The following STXBP4 variants were observed in gnomAD, a reference collection of about 807,000 sequenced individuals.
The protein encoded by STXBP4 is syntaxin binding protein 4.
In STXBP4, 55 loss-of-function variants were observed where a neutral mutation model predicts 76.1. That is an observed-to-expected ratio of 0.72 (90% CI 0.58 to 0.91). The LOEUF (loss-of-function observed/expected upper bound fraction) is 0.91. STXBP4 is among the 40% of genes least tolerant of loss of function. STXBP4 has a pLI of 0.00. For synonymous variants in STXBP4, 201 were observed against 220.2 expected (o/e 0.91, Z 0.77); for missense variants, 618 against 636.9 (o/e 0.97, Z 0.32).
In STXBP4 at chr17:55,076,850, C is replaced by T. The variant is rs185048191; in HGVS notation, c.1189-1228C>T. On this transcript the variant is annotated intron_variant, in intron 13 of 17. Transcript: ENST00000376352. The stretch of plus-strand genomic sequence containing the variant: ...CATTTGTATTTCAATTTTTGTCTTT[C>T]TGTTCCATTATGAGAAGTTTCTTTA... Among the ~76,000 whole-genome samples the T allele has an allele frequency of 2.0e-4, 31 of 152,192 alleles. 1 individual carries two copies. Among genetic ancestry groups the T allele is most frequent in the Admixed American group, 1.3e-3 (20 of 15,258 alleles).
At chr17:55,139,725 G>C (rs1179144548) in intron 16 of STXBP4, among the ~76,000 whole-genome samples, 1 of 152,114 alleles carries the variant, frequency 6.6e-6, no homozygotes, top group African/African-American at 2.4e-5. Context: ...CCAGTCATTT[G>C]CTTAAGCCAG....
At chr17:55,119,242 T>C (rs1439709217) in intron 16 of STXBP4, among the ~76,000 whole-genome samples, 1 of 152,042 alleles carries the variant, frequency 6.6e-6, no homozygotes, top group African/African-American at 2.4e-5. Flanking sequence ...TCATTTTTAT[T>C]TTCAAAAGGA....
intron 8 of STXBP4, among the ~76,000 whole-genome samples, chr17:55,017,936 G>A (rs979065685): frequency 1.3e-5 from 2 of 152,124 alleles, no homozygotes; most frequent in Admixed American, 6.5e-5. Flanking sequence ...GGACAGAATA[G>A]CAAGCAAAAG....
At chr17:55,001,941 G>C (rs1469985516) in intron 7 of STXBP4, among the ~76,000 whole-genome samples, 1 of 152,138 alleles carries the variant, frequency 6.6e-6, no homozygotes, top group Admixed American at 6.5e-5. Context: ...TGGCTCAATA[G>C]CTACCAATCT....
chr17:55,082,195 C>T (rs1366416768), intron 16 of STXBP4, among the ~76,000 whole-genome samples: 1 of 152,108 alleles, frequency 6.6e-6, no homozygotes, highest in Non-Finnish European at 1.5e-5. Flanking sequence ...CATCAGATGC[C>T]TGCACCTAAA....
intron 7 of STXBP4, among the ~76,000 whole-genome samples, chr17:55,004,977 AGT>A (rs1178885402): frequency 6.6e-6 from 1 of 152,174 alleles, no homozygotes; most frequent in Non-Finnish European, 1.5e-5. Context: ...GAATTGACAA[AGT>A]GTGCTGGAGT....
chr17:55,010,171 T>A (rs947552310), intron 8 of STXBP4, among the ~76,000 whole-genome samples: 2 of 152,038 alleles, frequency 1.3e-5, no homozygotes, highest in Non-Finnish European at 2.9e-5. Context: ...TATTAAGTAA[T>A]TAGCCTACCC....
chr17:55,020,801 G>A (rs2078296847), intron 8 of STXBP4, among the ~76,000 whole-genome samples: 1 of 152,098 alleles, frequency 6.6e-6, no homozygotes, highest in African/African-American at 2.4e-5. Context: ...TGGGCAACAA[G>A]AGTGAAACTC....
chr17:55,101,366 A>C (rs1338798284), intron 16 of STXBP4, among the ~76,000 whole-genome samples: 1 of 152,048 alleles, frequency 6.6e-6, no homozygotes, highest in Admixed American at 6.6e-5. Context: ...AATTTGGGGG[A>C]ATTAGAAGGG....
chr17:55,043,424 T>A, intron 11 of STXBP4, 99 bp downstream of exon 11: 1 of 792,012 alleles, frequency 1.3e-6, no homozygotes, highest in Non-Finnish European at 1.9e-6. Flanking sequence ...TAATTTTATT[T>A]TTAATGGAAA....
chr17:55,134,379 T>C (rs1202827766), intron 16 of STXBP4, among the ~76,000 whole-genome samples: 6 of 151,976 alleles, frequency 3.9e-5, no homozygotes. Flanking sequence ...CCATAACAAA[T>C]TTAAAGTGTT....
the STXBP4 span, among the ~76,000 whole-genome samples, chr17:55,196,238 G>T: frequency 1.3e-5 from 2 of 151,906 alleles, no homozygotes; most frequent in Non-Finnish European, 2.9e-5. Flanking sequence ...CCCTGCAATG[G>T]CTCTCCATTG....
At chr17:55,124,301 A>C (rs1257735736) in intron 16 of STXBP4, among the ~76,000 whole-genome samples, 1 of 152,210 alleles carries the variant, frequency 6.6e-6, no homozygotes, top group East Asian at 1.9e-4. Context: ...CTGCAAATAA[A>C]AGATATGTGT....
chr17:55,036,667 T>G (rs1468380037), intron 10 of STXBP4, among the ~76,000 whole-genome samples: 1 of 151,896 alleles, frequency 6.6e-6, no homozygotes, highest in African/African-American at 2.4e-5. Flanking sequence ...AAATAAATGA[T>G]ATGGTCAGTC....
intron 1 of STXBP4, among the ~76,000 whole-genome samples, chr17:54,970,310 T>C (rs1836228924): frequency 2.0e-5 from 3 of 150,058 alleles, no homozygotes; most frequent in South Asian, 2.1e-4. Flanking sequence ...TGAAAAGATA[T>C]TGATTACTTT....
the STXBP4 span, among the ~76,000 whole-genome samples, chr17:55,190,755 G>A: frequency 3.9e-5 from 6 of 152,170 alleles, no homozygotes; most frequent in African/African-American, 1.2e-4. Context: ...GTGTATATAA[G>A]TGAGACCTGC....
chr17:55,160,137 A>T lies in STXBP4; in HGVS notation c.*226A>T, dbSNP rs1188683265. 9.0e-6 allele frequency: 3 copies of T among 333,032 alleles called. No homozygotes were observed. Among genetic ancestry groups the T allele is most frequent in the Non-Finnish European group, 1.6e-5 (3 of 184,940 alleles). 20.6% of individuals were successfully genotyped at this position (333,032 alleles called of 1,614,324 possible). ...AGTTCCTTAAGAATAATCTAGTTAT[A>T]TTTTTTGAAATCACATATAATTAGA... On this transcript the variant is annotated 3_prime_UTR_variant, in exon 18 of 18. Coordinates refer to ENST00000376352, the MANE Select transcript of STXBP4 (RefSeq NM_178509.6).
intron 12 of STXBP4, among the ~76,000 whole-genome samples, chr17:55,062,888 A>G (rs1410086219): frequency 6.6e-6 from 1 of 152,262 alleles, no homozygotes; most frequent in East Asian, 1.9e-4. Flanking sequence ...GAAGTTGGAA[A>G]AGGCTTTTTT....
At chr17:55,043,452 G>C (rs894365773) in intron 11 of STXBP4, 127 bp downstream of exon 11, 34 of 752,712 alleles carry the variant, frequency 4.5e-5, no homozygotes, top group Non-Finnish European at 5.8e-5. Context: ...ATATCAAATA[G>C]TAAAAATCAG....
Sources: gnomAD v4.1 joint callset for allele counts (sites outside exome capture counted in the v4.1 genomes callset) on GRCh38, gnomAD v4.1.1 for gene constraint, MANE v1.5 for transcripts, NCBI Gene and HGNC (gene_info 2026-07-23, HGNC 2026-07-21) for gene names.